Variants in IGF1R observed in about 807,000 individuals in gnomAD.
IGF1R encodes insulin like growth factor 1 receptor.
A neutral mutation model predicts 144.6 loss-of-function variants in IGF1R; 44 were observed. The ratio of observed to expected loss-of-function variants is 0.30; its 90% CI spans 0.24 to 0.39. The LOEUF is 0.39. IGF1R is among the 10% of genes least tolerant of loss of function. IGF1R has a pLI of 1.00. For synonymous variants in IGF1R, 795 were observed against 722.8 expected (o/e 1.10, Z -1.60); for missense variants, 1,355 against 1,833.7 (o/e 0.74, Z 4.77).
intron 2 of IGF1R, among the ~76,000 whole-genome samples, chr15:98,842,495 G>A (rs1394918988): frequency 1.3e-5 from 2 of 152,204 alleles, no homozygotes; most frequent in Non-Finnish European, 2.9e-5. Context: ...CATTTTGCCT[G>A]CAGAATAATG....
intron 2 of IGF1R, among the ~76,000 whole-genome samples, chr15:98,795,010 G>A (rs1418450529): frequency 2.0e-5 from 3 of 152,230 alleles, no homozygotes; most frequent in Non-Finnish European, 4.4e-5. Flanking sequence ...AGAAGGCACG[G>A]ATGTTTCCCT....
intron 2 of IGF1R, among the ~76,000 whole-genome samples, chr15:98,862,625 C>T (rs761256711): frequency 1.2e-4 from 18 of 152,136 alleles, no homozygotes; most frequent in Admixed American, 2.6e-4. Flanking sequence ...TTTAGTAACT[C>T]TGGTTCAAGT....
intron 20 of IGF1R, among the ~76,000 whole-genome samples, chr15:98,950,244 G>A (rs2016722436): frequency 6.6e-6 from 1 of 152,210 alleles, no homozygotes; most frequent in Non-Finnish European, 1.5e-5. Context: ...ACAGTGGCGG[G>A]ATAATAGATA....
chr15:98,916,786 A>C lies in IGF1R; in HGVS notation c.2111A>C (p.Lys704Thr). ...AAAGGGCCTTGCTGCGCCTGCCCCA[A>C]AACTGAAGCCGAGAAGCAGGCCGAG... ...GEKGPCCACPKTEAEKQAEKE... is the reference protein window; with the variant it reads ...GEKGPCCACPTTEAEKQAEKE... Residue 704 changes from lysine (K) to threonine (T), a missense_variant, in exon 10 of 21, where the codon AAA becomes ACA. By Grantham distance (78) the Lys-to-Thr change is moderately conservative (BLOSUM62 -1). Transcript: ENST00000650285. The C allele has an allele frequency of 6.2e-7, 1 of 1,614,086 alleles. No homozygotes were observed. Among genetic ancestry groups the C allele is most frequent in the Non-Finnish European group, 8.5e-7 (1 of 1,180,024 alleles).
chr15:98,836,179 AT>A (rs71455099), intron 2 of IGF1R, among the ~76,000 whole-genome samples: 93 of 148,058 alleles, frequency 6.3e-4, no homozygotes, highest in Middle Eastern at 3.4e-3. Flanking sequence ...AACTGAACTG[AT>A]TTTTTTTTTT....
intron 2 of IGF1R, among the ~76,000 whole-genome samples, chr15:98,802,243 G>A (rs1432801236): frequency 6.6e-6 from 1 of 152,228 alleles, no homozygotes; most frequent in African/African-American, 2.4e-5. Context: ...TGATTGTGAA[G>A]TCATTCTTTC....
At chr15:98,888,222 G>C (rs201489216) in intron 2 of IGF1R, among the ~76,000 whole-genome samples, 67 of 152,304 alleles carry the variant, frequency 4.4e-4, no homozygotes, top group East Asian at 3.9e-3. Flanking sequence ...GCGTGCATCT[G>C]TCTGGCACAC....
intron 2 of IGF1R, among the ~76,000 whole-genome samples, chr15:98,762,196 TA>T (rs2055317730): frequency 6.9e-6 from 1 of 145,594 alleles, no homozygotes; most frequent in Non-Finnish European, 1.5e-5. Context: ...AAGAAATGAA[TA>T]AAAGTTGTTA....
chr15:98,814,308 G>A (rs2056650909), intron 2 of IGF1R, among the ~76,000 whole-genome samples: 1 of 152,166 alleles, frequency 6.6e-6, no homozygotes, highest in African/African-American at 2.4e-5. Context: ...TTAATGCCCT[G>A]TGTAGCACTG....
Position 98,963,538 on chromosome 15 carries a change from G to C in IGF1R, c.*6096G>C, listed in dbSNP as rs886051616. The C allele has an allele frequency of 4.3e-6, 1 of 233,116 alleles. No individual in the cohort carries two copies. The highest frequency in any genetic ancestry group is 2.2e-5 in the African/African-American group (1 of 45,348). The allele number at this position is 233,116 out of a possible 1,614,324, so 14.4% of individuals were successfully genotyped here. A position where few individuals can be genotyped will look rare whatever the true frequency, so the allele number is the denominator to read the frequency against. ...AGCCCAGCAGTGCATGGCACCGTTC[G>C]GCATCTGGCTTGATTGGTCTGGCTG... is the stretch of plus-strand genomic sequence containing the variant. On this transcript the variant is annotated 3_prime_UTR_variant, in exon 21 of 21. Coordinates refer to ENST00000650285, the MANE Select transcript of IGF1R (RefSeq NM_000875.5).
chr15:98,750,914 G>A (rs1348715730), intron 2 of IGF1R, among the ~76,000 whole-genome samples: 4 of 152,092 alleles, frequency 2.6e-5, no homozygotes, highest in East Asian at 3.9e-4. Context: ...TCAGCCTCCC[G>A]AGTAGCTGGG....
chr15:98,891,258 G>T lies in IGF1R; in HGVS notation c.641-67G>T. ...CAGTGAATGACCCAGAAGGATGCTG[G>T]CCAGGCCCAGAGAAGGCGGTGCCTC... is the stretch of plus-strand genomic sequence containing the variant. On this transcript the variant is annotated intron_variant, in intron 2 of 20. Transcript: ENST00000650285. This position sits in a 1 kb window ranked among gnomAD's most constrained non-coding sequence, Gnocchi z 4.7. The T allele has an allele frequency of 4.1e-6, 6 of 1,478,080 alleles. No individual in the cohort carries two copies. The highest frequency in any genetic ancestry group is 4.6e-6 in the Non-Finnish European group (5 of 1,078,542). 91.6% of individuals were successfully genotyped at this position (1,478,080 alleles called of 1,614,324 possible). A position where few individuals can be genotyped will look rare whatever the true frequency, so the allele number is the denominator to read the frequency against.
At chr15:98,857,009 G>T (rs1483931555) in intron 2 of IGF1R, among the ~76,000 whole-genome samples, 1 of 151,928 alleles carries the variant, frequency 6.6e-6, no homozygotes, top group African/African-American at 2.4e-5. Context: ...TAAGTTTTGG[G>T]TGAGAGATTT....
At chr15:98,847,123 C>T (rs1390423775) in intron 2 of IGF1R, among the ~76,000 whole-genome samples, 3 of 152,120 alleles carry the variant, frequency 2.0e-5, no homozygotes, top group Admixed American at 6.5e-5. Context: ...ATTTCAGGCA[C>T]GTACCACCAT....
At chr15:98,855,864 A>G (rs1251860823) in intron 2 of IGF1R, among the ~76,000 whole-genome samples, 1 of 152,186 alleles carries the variant, frequency 6.6e-6, no homozygotes, top group Admixed American at 6.5e-5. Flanking sequence ...TGAAATTCTG[A>G]ATAGCAAGAA....
intron 11 of IGF1R, 194 bp from the exon 12 acceptor site, chr15:98,923,682 C>G (rs1443560391): frequency 1.7e-6 from 1 of 597,848 alleles, no homozygotes; most frequent in Non-Finnish European, 3.0e-6. Flanking sequence ...GTGTGAGCAG[C>G]CCGCTCAGGG....
At chr15:98,909,333 C>G (rs1459047379) in intron 6 of IGF1R, among the ~76,000 whole-genome samples, 1 of 134,498 alleles carries the variant, frequency 7.4e-6, no homozygotes, top group African/African-American at 2.8e-5. Context: ...ATGATCTTGG[C>G]TCACTGTAAC....
chr15:98,802,495 G>A (rs1445826773), intron 2 of IGF1R, among the ~76,000 whole-genome samples: 1 of 152,182 alleles, frequency 6.6e-6, no homozygotes, highest in African/African-American at 2.4e-5. Flanking sequence ...GAGGACTTAA[G>A]GATGGAGAAA....
At chr15:98,949,949 C>G (rs1295068045) in intron 20 of IGF1R, among the ~76,000 whole-genome samples, 1 of 152,164 alleles carries the variant, frequency 6.6e-6, no homozygotes, top group Non-Finnish European at 1.5e-5. Context: ...TCATCAGGCG[C>G]ACAACAGGTA....
Sources: allele counts gnomAD v4.1 joint callset (sites outside exome capture counted in the v4.1 genomes callset), GRCh38; gene constraint gnomAD v4.1.1; non-coding constraint Gnocchi (gnomAD v3.1); transcripts MANE v1.5; gene names NCBI Gene and HGNC (gene_info 2026-07-23, HGNC 2026-07-21).